CCNY: variants seen among roughly 807,000 people sequenced by gnomAD.
CCNY encodes the protein cyclin Y, also known as cyclin-Y.
A neutral mutation model predicts 42.8 loss-of-function variants in CCNY; 19 were observed. That is an observed-to-expected ratio of 0.44 (90% CI 0.31 to 0.65). The LOEUF (loss-of-function observed/expected upper bound fraction) is 0.65, where lower values mean the gene tolerates loss of function less well. Among genes scored for constraint, CCNY ranks in the 30% least tolerant of loss-of-function variants. CCNY has a pLI of 0.07. For synonymous variants in CCNY, 165 were observed against 162.7 expected (o/e 1.01, Z -0.11); for missense variants, 370 against 437.3 (o/e 0.85, Z 1.37).
chr10:35,551,421 T>C (rs1393475130), intron 7 of CCNY, among the ~76,000 whole-genome samples: 1 of 152,254 alleles, frequency 6.6e-6, no homozygotes, highest in Non-Finnish European at 1.5e-5. Flanking sequence ...TTTTTGCGTT[T>C]TGTAATATTT....
rs528335555 is a variant in CCNY, at chr10:35,497,164, A to T, written c.230-4337A>T. On this transcript the variant is annotated intron_variant, in intron 2 of 9. Coordinates refer to ENST00000374704, the MANE Select transcript of CCNY (RefSeq NM_145012.6). The stretch of plus-strand genomic sequence containing the variant: ...TGCCTGTTTTCTCTAAAGAAGCAAA[A>T]CATAATTATTAGTTAATTCAGTTAG... Among the ~76,000 whole-genome samples the T allele has an allele frequency of 7.2e-5, 11 of 152,370 alleles. No homozygotes were observed. In the South Asian group the frequency reaches 2.3e-3, roughly 32 times the overall value.
chr10:35,415,688 ATG>A (rs1419773852), intron 1 of CCNY, among the ~76,000 whole-genome samples: 1 of 152,160 alleles, frequency 6.6e-6, no homozygotes, highest in African/African-American at 2.4e-5. Flanking sequence ...AGAGCTGCTG[ATG>A]TGTTTCCCAG....
chr10:35,288,161 A>G (rs1835376097), intron 3 of CCNY, among the ~76,000 whole-genome samples: 2 of 152,170 alleles, frequency 1.3e-5, no homozygotes, highest in African/African-American at 4.8e-5. Flanking sequence ...TTATTGAGTG[A>G]GTAGTTAATC....
chr10:35,278,056 GA>G (rs1835258883), intron 3 of CCNY, among the ~76,000 whole-genome samples: 1 of 152,076 alleles, frequency 6.6e-6, no homozygotes, highest in African/African-American at 2.4e-5. Context: ...TGAGGGGAAA[GA>G]GGGGATGAAT....
intron 7 of CCNY, among the ~76,000 whole-genome samples, chr10:35,548,732 A>T (rs1346389373): frequency 6.6e-6 from 1 of 152,078 alleles, no homozygotes; most frequent in African/African-American, 2.4e-5. Flanking sequence ...GAAGCGAAAG[A>T]GGTGGAGAAG....
chr10:35,445,683 G>T (rs560595520), intron 1 of CCNY, among the ~76,000 whole-genome samples: 46 of 152,184 alleles, frequency 3.0e-4, no homozygotes, highest in African/African-American at 1.1e-3. Flanking sequence ...AGGTTGTTTG[G>T]AAACCAGAGG....
chr10:35,344,548 T>C (rs1043473494), intron 1 of CCNY, among the ~76,000 whole-genome samples: 37 of 152,302 alleles, frequency 2.4e-4, no homozygotes, highest in African/African-American at 8.2e-4. Flanking sequence ...AAAAAATTTT[T>C]TTTTCAGTTG....
chr10:35,256,587 C>T (rs886566829), intron 3 of CCNY, among the ~76,000 whole-genome samples: 1 of 151,898 alleles, frequency 6.6e-6, no homozygotes, highest in Non-Finnish European at 1.5e-5. Context: ...CAAAAATTAG[C>T]TGGGTGTGGT....
intron 1 of CCNY, among the ~76,000 whole-genome samples, chr10:35,368,060 TAG>T (rs1391209939): frequency 6.6e-6 from 1 of 152,190 alleles, no homozygotes; most frequent in African/African-American, 2.4e-5. Context: ...AAAGATTGGA[TAG>T]AGTCTGCAAT....
chr10:35,509,045 C>T (rs761222654), intron 3 of CCNY, among the ~76,000 whole-genome samples: 2 of 152,136 alleles, frequency 1.3e-5, no homozygotes, highest in African/African-American at 2.4e-5. Context: ...AAGGTTCATC[C>T]GTGTATCTCA....
rs116511804 is a variant in CCNY, at chr10:35,529,475, C to A, written c.402-498C>A. Among the ~76,000 whole-genome samples, 1,032 of 152,200 alleles carry A rather than the reference C, an allele frequency of 6.8e-3. 11 individuals carry two copies. The highest frequency in any genetic ancestry group is 0.024 in the African/African-American group (986 of 41,522). On this transcript the variant is annotated intron_variant, in intron 5 of 9. Transcript: ENST00000374704. ...TAAGTGTGGTTTATAACCTTTATTT[C>A]CTTGGGCTATTTTAATCATAAGTGA...
chr10:35,471,995 A>T (rs1839400173), intron 1 of CCNY, among the ~76,000 whole-genome samples: 1 of 152,240 alleles, frequency 6.6e-6, no homozygotes, highest in Non-Finnish European at 1.5e-5. Flanking sequence ...TCCTTAGAGA[A>T]CAGAAATTGT....
rs928682974 is a variant in CCNY at position 35,439,520 on chromosome 10, T to TTC, written c.155-43870_155-43869dup. On this transcript the variant is annotated intron_variant, in intron 1 of 9. Transcript: ENST00000374704. ...GAGCCTCTTTTTCTTTGCTGCCTCT[T>TTC]TCTCTCTCTCTCTCTTTTTTTTTGT... 4.6e-5 allele frequency among the ~76,000 whole-genome samples: 7 copies of TTC among 151,850 alleles called. 1 individual carries two copies. In the East Asian group the frequency reaches 9.7e-4, roughly 21 times the overall value.
chr10:35,413,244 A>G (rs984923530), intron 1 of CCNY, among the ~76,000 whole-genome samples: 1 of 152,158 alleles, frequency 6.6e-6, no homozygotes, highest in Non-Finnish European at 1.5e-5. Flanking sequence ...GGTCGGACAC[A>G]TTCCAGACAT....
At chr10:35,335,521 T>G (rs139176320), upstream of CCNY, among the ~76,000 whole-genome samples, 3 of 151,320 alleles carry the variant, frequency 2.0e-5, no homozygotes, top group South Asian at 4.2e-4. Flanking sequence ...CAAAATACAA[T>G]AGAAAACTCC....
intron 7 of CCNY, among the ~76,000 whole-genome samples, chr10:35,544,553 G>A (rs1037227050): frequency 2.6e-5 from 4 of 152,146 alleles, no homozygotes; most frequent in South Asian, 2.1e-4. Context: ...GTTAAATGAC[G>A]TATGACTATA....
At chr10:35,469,059 C>G (rs1219028060) in intron 1 of CCNY, among the ~76,000 whole-genome samples, 1 of 152,198 alleles carries the variant, frequency 6.6e-6, no homozygotes, top group African/African-American at 2.4e-5. Flanking sequence ...CAAGATACTT[C>G]TGAGAGTAAA....
chr10:35,338,808 A>G (rs2135116622), intron 1 of CCNY, among the ~76,000 whole-genome samples: 1 of 152,352 alleles, frequency 6.6e-6, no homozygotes, highest in Non-Finnish European at 1.5e-5. Context: ...CAAAAAAGAA[A>G]AAAAAGAAGA....
chr10:35,408,075 C>T (rs887887369), intron 1 of CCNY, among the ~76,000 whole-genome samples: 12 of 152,102 alleles, frequency 7.9e-5, no homozygotes, highest in African/African-American at 1.4e-4. Context: ...TGAAGGGTGG[C>T]GCCAAGATTA....
Sources: gnomAD v4.1 joint callset for allele counts (sites outside exome capture counted in the v4.1 genomes callset) on GRCh38, gnomAD v4.1.1 for gene constraint, MANE v1.5 for transcripts, NCBI Gene and HGNC (gene_info 2026-07-23, HGNC 2026-07-21) for gene names.